Variants in SEPHS1 observed in about 807,000 individuals in gnomAD.
SEPHS1 encodes selenophosphate synthetase 1.
Under a neutral mutation model 39.2 loss-of-function variants are expected in SEPHS1, and 7 were observed. The ratio of observed to expected loss-of-function variants is 0.18; its 90% CI spans 0.10 to 0.34. The LOEUF is 0.34. SEPHS1 is among the 10% of genes least tolerant of loss of function. The pLI is 1.00. For missense variants in SEPHS1, 253 were observed against 514.5 expected (o/e 0.49, Z 4.92); for synonymous variants, 190 against 195.5 (o/e 0.97, Z 0.23).
At chr10:13,346,719 A>G (rs533119123) in intron 1 of SEPHS1, among the ~76,000 whole-genome samples, 1 of 149,612 alleles carries the variant, frequency 6.7e-6, no homozygotes, top group Non-Finnish European at 1.5e-5. Context: ...CCCTACCAGG[A>G]AAAAAAAAAG....
In SEPHS1 at chr10:13,341,704, C is replaced by A. The variant is rs1045049047; in HGVS notation, c.194-2896G>T. 4.7e-4 allele frequency among the ~76,000 whole-genome samples: 71 copies of A among 152,240 alleles called. 1 individual carries two copies. Among genetic ancestry groups the A allele is most frequent in the African/African-American group, 1.6e-3 (68 of 41,548 alleles). On this transcript the variant is annotated intron_variant, in intron 2 of 8. Transcript: ENST00000327347. Reference sequence around the variant, plus strand: ...GGGCGCGGGGGCTCATGCCTTTAATCCCAGCACTTTGGGAGGCCGAGGTGG... The same window carrying A: ...GGGCGCGGGGGCTCATGCCTTTAATACCAGCACTTTGGGAGGCCGAGGTGG...
At chr10:13,345,087 C>G (rs1833886382) in intron 1 of SEPHS1, 59 bp from the exon 2 acceptor site, 4 of 731,958 alleles carry the variant, frequency 5.5e-6, no homozygotes, top group Non-Finnish European at 8.4e-6. Context: ...GACCTGCCAG[C>G]GAATCAAGTG....
chr10:13,323,999 A>T (rs1833188784), intron 7 of SEPHS1, among the ~76,000 whole-genome samples: 1 of 152,070 alleles, frequency 6.6e-6, no homozygotes, highest in South Asian at 2.1e-4. Flanking sequence ...TTTTAAAAAA[A>T]TTTACAGACT....
At chr10:13,321,440 G>A (rs7100588) in intron 8 of SEPHS1, among the ~76,000 whole-genome samples, 62,248 of 151,748 alleles carry the variant, frequency 0.41, 14,338 homozygotes, top group East Asian at 0.69. Context: ...TAGAGACAGG[G>A]TTTCACCATG....
intron 1 of SEPHS1, among the ~76,000 whole-genome samples, chr10:13,346,471 G>C (rs1406862639): frequency 6.6e-6 from 1 of 152,194 alleles, no homozygotes; most frequent in Non-Finnish European, 1.5e-5. Context: ...TTTGGGATGA[G>C]CAATGATTTC....
Position 13,323,052 on chromosome 10 carries a change from G to A in SEPHS1, c.752-5C>T, listed in dbSNP as rs376085120. The A allele has an allele frequency of 6.2e-7, 1 of 1,612,930 alleles. No individual in the cohort carries two copies. The highest frequency in any genetic ancestry group is 1.3e-5 in the African/African-American group (1 of 74,646). On this transcript the variant is annotated splice_polypyrimidine_tract_variant and splice_region_variant and intron_variant, in intron 7 of 8. Transcript: ENST00000327347. ...ACGTGTGCATGAGTCCTGCAGCTGG[G>A]AGAGAGAGGGGGCGGCTCTGAGAAA... is the stretch of plus-strand genomic sequence containing the variant.
intron 8 of SEPHS1, among the ~76,000 whole-genome samples, chr10:13,320,256 A>G (rs901913052): frequency 1.3e-5 from 2 of 149,600 alleles, no homozygotes; most frequent in African/African-American, 4.9e-5. Context: ...ATCTCGGCTC[A>G]CTGCAAGCTC....
chr10:13,338,367 C>G (rs1457983997), intron 3 of SEPHS1, among the ~76,000 whole-genome samples: 1 of 152,120 alleles, frequency 6.6e-6, no homozygotes, highest in Admixed American at 6.5e-5. Flanking sequence ...TTACCAATGT[C>G]AAAGAAGAGA....
At chr10:13,343,507 C>CA (rs1833850891) in intron 2 of SEPHS1, among the ~76,000 whole-genome samples, 1 of 152,020 alleles carries the variant, frequency 6.6e-6, no homozygotes, top group Non-Finnish European at 1.5e-5. Context: ...AAATAATGGG[C>CA]AAAAACAAAT....
At chr10:13,337,375 A>T (rs1461474953) in intron 3 of SEPHS1, among the ~76,000 whole-genome samples, 2 of 152,208 alleles carry the variant, frequency 1.3e-5, no homozygotes, top group Admixed American at 6.5e-5. Context: ...TTTTATTGCC[A>T]CTGGAGATTT....
At chr10:13,336,948 A>G (rs1833654619) in intron 3 of SEPHS1, among the ~76,000 whole-genome samples, 1 of 152,176 alleles carries the variant, frequency 6.6e-6, no homozygotes, top group African/African-American at 2.4e-5. Flanking sequence ...GCCAGGAGTT[A>G]AAGACCAGCC....
intron 2 of SEPHS1, among the ~76,000 whole-genome samples, chr10:13,339,450 C>T (rs908505585): frequency 1.3e-5 from 2 of 152,148 alleles, no homozygotes; most frequent in African/African-American, 2.4e-5. Context: ...AGTCAAGATA[C>T]GCTACTCCTT....
chr10:13,341,875 T>A (rs1484534814), intron 2 of SEPHS1, among the ~76,000 whole-genome samples: 1 of 150,666 alleles, frequency 6.6e-6, no homozygotes, highest in Non-Finnish European at 1.5e-5. Flanking sequence ...GGCATGAGAA[T>A]CAGGCCTGGG....
At chr10:13,323,079 A>C in intron 7 of SEPHS1, 32 bp from the exon 8 acceptor site, 3 of 1,586,518 alleles carry the variant, frequency 1.9e-6, no homozygotes, top group South Asian at 1.1e-5. Flanking sequence ...TCTGAGAAAA[A>C]ACACCTTTCC....
At chr10:13,331,234 T>C (rs560363375) in intron 5 of SEPHS1, among the ~76,000 whole-genome samples, 9 of 152,330 alleles carry the variant, frequency 5.9e-5, no homozygotes, top group East Asian at 5.8e-4. Context: ...CAGTCTATCA[T>C]TGATGGACAT....
chr10:13,331,201 G>C (rs918969823), intron 5 of SEPHS1, among the ~76,000 whole-genome samples: 4 of 152,138 alleles, frequency 2.6e-5, no homozygotes, highest in African/African-American at 9.7e-5. Context: ...TCCACGGTGT[G>C]TATGTGCCAC....
chr10:13,333,448 T>A (rs1833528794), intron 5 of SEPHS1, among the ~76,000 whole-genome samples: 1 of 150,932 alleles, frequency 6.6e-6, no homozygotes, highest in African/African-American at 2.4e-5. Context: ...TTCTTGTCTT[T>A]TTTTTTTTTG....
At chr10:13,328,494 G>T in intron 6 of SEPHS1, 44 bp from the exon 7 acceptor site, 2 of 1,342,044 alleles carry the variant, frequency 1.5e-6, no homozygotes, top group Non-Finnish European at 2.1e-6. Flanking sequence ...AGAGGAAAAT[G>T]TGATTAATCT....
intron 2 of SEPHS1, among the ~76,000 whole-genome samples, chr10:13,343,482 C>T (rs900544509): frequency 1.3e-5 from 2 of 152,118 alleles, no homozygotes; most frequent in Non-Finnish European, 2.9e-5. Context: ...AGGCTCATAA[C>T]CAATGAACCT....
Sources: allele counts gnomAD v4.1 joint callset (sites outside exome capture counted in the v4.1 genomes callset), GRCh38; gene constraint gnomAD v4.1.1; transcripts MANE v1.5; gene names NCBI Gene and HGNC (gene_info 2026-07-23, HGNC 2026-07-21).